The following WDPCP variants were observed in gnomAD, a reference collection of about 807,000 sequenced individuals.
WDPCP encodes the protein WD repeat containing planar cell polarity effector.
In WDPCP, 71 loss-of-function variants were observed where a neutral mutation model predicts 93.1. That is an observed-to-expected ratio of 0.76 (90% CI 0.63 to 0.93). WDPCP has a LOEUF of 0.93. WDPCP is among the 40% of genes least tolerant of loss of function. WDPCP has a pLI of 0.00. For synonymous variants in WDPCP, 315 were observed against 315.0 expected, an observed-to-expected ratio of 1.00 and a Z score of 0.00; for missense variants, 844 against 887.4, an observed-to-expected ratio of 0.95 and a Z score of 0.62.
At chr2:63,312,476 T>C (rs1030723864) in intron 13 of WDPCP, among the ~76,000 whole-genome samples, 1 of 152,184 alleles carries the variant, frequency 6.6e-6, no homozygotes, top group Non-Finnish European at 1.5e-5. Context: ...AATGTCTTAA[T>C]TGTGCAAAAG....
intron 1 of WDPCP, among the ~76,000 whole-genome samples, chr2:63,554,974 C>A (rs1374997462): frequency 2.0e-5 from 3 of 152,234 alleles, no homozygotes; most frequent in Non-Finnish European, 1.5e-5. Context: ...CAGATCTGAG[C>A]AGTCCACAAA....
intron 1 of WDPCP, among the ~76,000 whole-genome samples, chr2:63,575,409 A>G (rs866515406): frequency 2.2e-4 from 17 of 75,572 alleles, no homozygotes; most frequent in African/African-American, 4.8e-4. Flanking sequence ...GTATATATAC[A>G]GTATATACAC....
rs770979735 is a variant in WDPCP at position 63,660,592 on chromosome 2, CA to C, written n.309-9755del. ...ACCTCAAAACTAAAGCTCAATGTCA[CA>C]AACCTATGCATGTACCCCCCTGTAT... is the stretch of plus-strand genomic sequence containing the variant. On this transcript the variant is annotated intron_variant and non_coding_transcript_variant, in intron 2 of 4. Coordinates refer to the WDPCP transcript ENST00000467687. 5.9e-5 allele frequency among the ~76,000 whole-genome samples: 9 copies of C among 152,140 alleles called. 1 individual carries two copies. The East Asian group carries it at 7.7e-4, about 13-fold the overall frequency.
intron 1 of WDPCP, among the ~76,000 whole-genome samples, chr2:63,554,659 A>G (rs1390717036): frequency 6.6e-6 from 1 of 152,200 alleles, no homozygotes; most frequent in Non-Finnish European, 1.5e-5. Context: ...TCTCAAAAAA[A>G]AAAAAGATTA....
intron 2 of WDPCP, among the ~76,000 whole-genome samples, chr2:63,489,636 CA>C (rs2105931206): frequency 6.6e-6 from 1 of 151,992 alleles, no homozygotes; most frequent in East Asian, 1.9e-4. Context: ...AGGGACATGT[CA>C]AAAAGACACA....
intron 13 of WDPCP, among the ~76,000 whole-genome samples, chr2:63,260,837 C>G (rs1197559803): frequency 6.6e-6 from 1 of 152,202 alleles, no homozygotes; most frequent in Non-Finnish European, 1.5e-5. Context: ...CGTGAGCCAC[C>G]AGCACCCGGC....
chr2:63,821,753 A>G (rs1315429404), intron 1 of WDPCP, among the ~76,000 whole-genome samples: 1 of 152,130 alleles, frequency 6.6e-6, no homozygotes, highest in South Asian at 2.1e-4. Context: ...GTTACATAAA[A>G]TGATAACAGT....
intron 12 of WDPCP, among the ~76,000 whole-genome samples, chr2:63,314,156 C>T (rs980489386): frequency 1.2e-4 from 17 of 143,854 alleles, no homozygotes; most frequent in Non-Finnish European, 2.4e-4. Context: ...CGATTACAGG[C>T]GTGAGCCACT....
intron 13 of WDPCP, among the ~76,000 whole-genome samples, chr2:63,274,662 G>T (rs1219380707): frequency 1.3e-5 from 2 of 152,120 alleles, no homozygotes; most frequent in African/African-American, 2.4e-5. Flanking sequence ...GATCATCTGA[G>T]ACTTTTATGA....
At chr2:63,488,707 A>G (rs1469413783) in intron 2 of WDPCP, among the ~76,000 whole-genome samples, 3 of 152,018 alleles carry the variant, frequency 2.0e-5, no homozygotes, top group Non-Finnish European at 4.4e-5. Context: ...AAAATCTAAG[A>G]ACCACAGGCA....
chr2:63,532,522 T>G (rs889111220), intron 1 of WDPCP, among the ~76,000 whole-genome samples: 1 of 152,140 alleles, frequency 6.6e-6, no homozygotes, highest in African/African-American at 2.4e-5. Flanking sequence ...CAGCAGAAAC[T>G]CTACAAGCCA....
chr2:63,556,367 G>A (rs766440016), intron 1 of WDPCP, among the ~76,000 whole-genome samples: 2 of 152,158 alleles, frequency 1.3e-5, no homozygotes, highest in African/African-American at 2.4e-5. Flanking sequence ...CCGAACCTGC[G>A]ATTGATTGGG....
At chr2:63,620,509 G>C (rs1221988317) in intron 3 of WDPCP, among the ~76,000 whole-genome samples, 1 of 152,188 alleles carries the variant, frequency 6.6e-6, no homozygotes, top group Non-Finnish European at 1.5e-5. Flanking sequence ...CTGAAAGAAA[G>C]GCAGCAGCCC....
chr2:63,809,435 G>C (rs1670828037), intron 2 of WDPCP, among the ~76,000 whole-genome samples: 1 of 152,256 alleles, frequency 6.6e-6, no homozygotes, highest in African/African-American at 2.4e-5. Context: ...TTGAGAACGG[G>C]CCATGATGAC....
chr2:63,614,386 C>T (rs1191712210), intron 3 of WDPCP, among the ~76,000 whole-genome samples: 1 of 152,186 alleles, frequency 6.6e-6, no homozygotes, highest in African/African-American at 2.4e-5. Flanking sequence ...CCCTCCACTC[C>T]TATGTTTACC....
intron 1 of WDPCP, chr2:63,564,688 A>G (rs1370989611): frequency 6.6e-6 from 1 of 152,232 alleles, no homozygotes; most frequent in Non-Finnish European, 1.5e-5. Context: ...ATGACTATAA[A>G]ACAAATGTAA....
upstream of WDPCP, among the ~76,000 whole-genome samples, chr2:63,830,741 T>C (rs1671179815): frequency 6.6e-6 from 1 of 152,276 alleles, no homozygotes; most frequent in Admixed American, 6.5e-5. Context: ...TCTTAAATAA[T>C]TGGCTATTCT....
chr2:63,605,153 G>A (rs1334409462), intron 3 of WDPCP: 3 of 678,764 alleles, frequency 4.4e-6, no homozygotes. Context: ...TTGGGTTGTT[G>A]CATGATTTTG....
chr2:63,376,484 C>T (rs1264630369), intron 12 of WDPCP, among the ~76,000 whole-genome samples: 1 of 151,812 alleles, frequency 6.6e-6, no homozygotes. Context: ...AAATATGATG[C>T]TTATGTGAAA....
Sources: gnomAD v4.1 joint callset for allele counts (sites outside exome capture counted in the v4.1 genomes callset) on GRCh38, gnomAD v4.1.1 for gene constraint, MANE v1.5 for transcripts, NCBI Gene and HGNC (gene_info 2026-07-23, HGNC 2026-07-21) for gene names.